Variants in MCPH1 observed in about 807,000 individuals in gnomAD.
MCPH1 encodes microcephalin.
A neutral mutation model predicts 84.5 loss-of-function variants in MCPH1; 104 were observed. The observed-to-expected ratio is 1.23, with a 90% CI of 1.05 to 1.45. The LOEUF (loss-of-function observed/expected upper bound fraction) is 1.45, where lower values mean the gene tolerates loss of function less well. Ranked by LOEUF, MCPH1 falls within the 40% of genes most tolerant of loss-of-function variation. The pLI, the probability that MCPH1 is intolerant of heterozygous loss-of-function variation, is 0.00. For synonymous variants in MCPH1, 514 were observed against 366.8 expected, an observed-to-expected ratio of 1.40 and a Z score of -4.58; for missense variants, 1,498 against 1,005.7, an observed-to-expected ratio of 1.49 and a Z score of -6.62.
chr8:6,589,889 T>C lies in MCPH1; in HGVS notation c.2215-31565T>C, dbSNP rs75346865. ...TATATCAGATAATTCTGCAGAACTC[T>C]TATTATGGAAATGAAAATAATTCAA... On this transcript the variant is annotated intron_variant, in intron 12 of 13. Transcript: ENST00000344683. Among the ~76,000 whole-genome samples, 4,696 of 152,322 alleles carry C rather than the reference T, an allele frequency of 0.031. 417 individuals carry two copies. The East Asian group carries it at 0.35, about 11-fold the overall frequency.
At chr8:6,531,625 T>C (rs779903838) in intron 12 of MCPH1, among the ~76,000 whole-genome samples, 1 of 152,178 alleles carries the variant, frequency 6.6e-6, no homozygotes, top group Non-Finnish European at 1.5e-5. Context: ...TTTCTGTTAT[T>C]ATTAATCACT....
intron 1 of MCPH1, 113 bp from the exon 2 acceptor site, chr8:6,409,166 G>T (rs1247211166): frequency 3.4e-6 from 3 of 871,980 alleles, no homozygotes; most frequent in African/African-American, 1.7e-5. Context: ...GATTACAGGC[G>T]TGAGCCACTG....
intron 11 of MCPH1, among the ~76,000 whole-genome samples, chr8:6,498,671 T>C (rs1172128186): frequency 2.0e-5 from 3 of 152,240 alleles, no homozygotes; most frequent in South Asian, 2.1e-4. Context: ...GTACGTTGTA[T>C]TTCTCACTGT....
intron 13 of MCPH1, chr8:6,625,026 C>T: frequency 2.1e-6 from 1 of 482,526 alleles, no homozygotes; most frequent in Non-Finnish European, 2.7e-6. Context: ...CAGGCCCCGC[C>T]ACCATGCCCA....
At chr8:6,441,467 T>G (rs1803501542) in intron 6 of MCPH1, among the ~76,000 whole-genome samples, 1 of 152,186 alleles carries the variant, frequency 6.6e-6, no homozygotes, top group African/African-American at 2.4e-5. Flanking sequence ...GGATATAAGA[T>G]CCAAACATTT....
intron 12 of MCPH1, among the ~76,000 whole-genome samples, chr8:6,575,940 A>T (rs946662382): frequency 6.6e-6 from 1 of 151,538 alleles, no homozygotes; most frequent in African/African-American, 2.4e-5. Context: ...ACCCTGCCCC[A>T]CACCTTCACC....
At chr8:6,642,475 G>C (rs528037884) in intron 13 of MCPH1, among the ~76,000 whole-genome samples, 12 of 152,280 alleles carry the variant, frequency 7.9e-5, no homozygotes, top group Admixed American at 7.8e-4. Context: ...TTTGAGCTAT[G>C]AAGAACAGAG....
In MCPH1 at chr8:6,442,086, G is replaced by A. The variant is rs780599854; in HGVS notation, c.600G>A (p.Gln200=). 6.2e-7 allele frequency: 1 copy of A among 1,612,946 alleles called. No individual in the cohort carries two copies. The highest frequency in any genetic ancestry group is 1.7e-5 in the Admixed American group (1 of 60,032). Residue 200 remains glutamine, a synonymous_variant, in exon 7 of 14, where the codon CAG becomes CAA. Transcript: ENST00000344683. ...TTTTAGCTTCCCAAATGATTCAGCA[G>A]TCTCATGATAATCCAAGTAACTCTC... The part of the protein sequence containing the change: ...LSPTSSQMIQ[Q]SHDNPSNSLC...
chr8:6,623,490 T>G (rs751634), intron 13 of MCPH1, among the ~76,000 whole-genome samples: 69,199 of 151,300 alleles, frequency 0.46, 16,247 homozygotes, highest in East Asian at 0.68. Context: ...TTTCTCATCA[T>G]CTGCTCAACA....
chr8:6,528,520 C>G (rs962389072), intron 12 of MCPH1, among the ~76,000 whole-genome samples: 7 of 152,200 alleles, frequency 4.6e-5, no homozygotes, highest in Admixed American at 2.0e-4. Flanking sequence ...TTTCTCCTTC[C>G]TGTTTTAAAA....
intron 11 of MCPH1, among the ~76,000 whole-genome samples, chr8:6,483,152 C>T (rs972172753): frequency 2.0e-5 from 3 of 152,086 alleles, no homozygotes; most frequent in Non-Finnish European, 4.4e-5. Context: ...CTGAAAACTA[C>T]AAAATACTGA....
chr8:6,439,278 G>T (rs980766670), intron 6 of MCPH1, among the ~76,000 whole-genome samples, 182 bp downstream of exon 6: 2 of 151,462 alleles, frequency 1.3e-5, no homozygotes, highest in Non-Finnish European at 2.9e-5. Context: ...TGAAGCATAT[G>T]TTGGGTGTAT....
chr8:6,494,881 G>C (rs1372463206), intron 11 of MCPH1, among the ~76,000 whole-genome samples: 1 of 152,098 alleles, frequency 6.6e-6, no homozygotes, highest in African/African-American at 2.4e-5. Context: ...CTTTAAAATG[G>C]TTAATTGTAT....
At position 6,606,711 on chromosome 8, in the gene MCPH1, G is replaced by A. The variant is rs541257912; in HGVS notation, c.2215-14743G>A. Reference sequence around the variant, plus strand: ...AAGCATCAGCAACCTTAGGTGATGCGGTTTGGCTATGTCCCCACCCAAATC... The same window carrying A: ...AAGCATCAGCAACCTTAGGTGATGCAGTTTGGCTATGTCCCCACCCAAATC... On this transcript the variant is annotated intron_variant, in intron 12 of 13. Coordinates refer to ENST00000344683, the MANE Select transcript of MCPH1 (RefSeq NM_024596.5). Among the ~76,000 whole-genome samples the A allele has an allele frequency of 2.8e-4, 43 of 152,296 alleles. 1 individual carries two copies. The highest frequency in any genetic ancestry group is 9.6e-4 in the African/African-American group (40 of 41,560).
intron 10 of MCPH1, among the ~76,000 whole-genome samples, 181 bp downstream of exon 10, chr8:6,477,812 G>C (rs147249643): frequency 9.2e-5 from 14 of 152,342 alleles, no homozygotes; most frequent in Non-Finnish European, 1.8e-4. Context: ...GAGCGACTTA[G>C]CCTTGAAAAC....
At chr8:6,423,863 A>T (rs1037889736) in intron 3 of MCPH1, among the ~76,000 whole-genome samples, 2 of 152,226 alleles carry the variant, frequency 1.3e-5, no homozygotes, top group Admixed American at 1.3e-4. Context: ...GTGAGTTATC[A>T]GTTCTTCTTT....
intron 4 of MCPH1, 86 bp downstream of exon 4, chr8:6,431,672 A>C: frequency 1.1e-6 from 1 of 908,094 alleles, no homozygotes. Flanking sequence ...AACTTCTAGA[A>C]ATATATTCAA....
chr8:6,578,018 G>C (rs1025404871), intron 12 of MCPH1, among the ~76,000 whole-genome samples: 2 of 152,224 alleles, frequency 1.3e-5, no homozygotes, highest in African/African-American at 2.4e-5. Flanking sequence ...AATTTGAAGC[G>C]AGGAGTTTTT....
intron 2 of MCPH1, among the ~76,000 whole-genome samples, chr8:6,413,225 T>C (rs1200131365): frequency 6.6e-6 from 1 of 150,874 alleles, no homozygotes; most frequent in Non-Finnish European, 1.5e-5. Flanking sequence ...CCCATTGTTT[T>C]CTCAATTCCA....
Sources: gnomAD v4.1 joint callset for allele counts (sites outside exome capture counted in the v4.1 genomes callset) on GRCh38, gnomAD v4.1.1 for gene constraint, MANE v1.5 for transcripts, NCBI Gene and HGNC (gene_info 2026-07-23, HGNC 2026-07-21) for gene names.